TRAPPC10: variants seen among roughly 807,000 people sequenced by gnomAD.
TRAPPC10 encodes the protein trafficking protein particle complex subunit 10, also known as TRAPP 130 kDa subunit.
TRAPPC10 carries 23 observed loss-of-function variants against 125.5 expected under a neutral mutation model. The ratio of observed to expected loss-of-function variants is 0.18; its 90% CI spans 0.13 to 0.26. The LOEUF is 0.26. Among genes scored for constraint, TRAPPC10 ranks in the 10% least tolerant of loss-of-function variants. TRAPPC10 has a pLI of 1.00. For synonymous variants in TRAPPC10, 509 were observed against 518.0 expected (o/e 0.98, Z 0.24); for missense variants, 1,123 against 1,308.4 (o/e 0.86, Z 2.19).
chr21:44,092,006 G>A lies in TRAPPC10; in HGVS notation c.2954G>A (p.Ser985Asn), dbSNP rs773695407. The A allele has an allele frequency of 3.1e-6, 5 of 1,614,166 alleles. No homozygotes were observed. The East Asian group carries it at 8.9e-5, about 29-fold the overall frequency. Residue 985 changes from serine to asparagine, a missense_variant, in exon 19 of 23, where the codon AGT becomes AAT. By Grantham distance (46) the Ser-to-Asn change is conservative. Around this residue, in one of 4 missense-constraint regions of TRAPPC10, gnomAD observed 840 missense variants for 902.0 expected, o/e 0.93. Transcript: ENST00000291574. The stretch of plus-strand genomic sequence containing the variant: ...AGTTATCTTGTAGATACCGGTGATA[G>A]TACCGACCTGCAACTAGTACCACTG... ...SDSYLVDTGD[S>N]TDLQLVPLNT...
rs2037850073 is a variant in TRAPPC10, at chr21:44,082,809, T to C, written c.1745T>C (p.Met582Thr). ...DSPGHKIVLPMHSFAQLRDLH... is the reference protein window; with the variant it reads ...DSPGHKIVLPTHSFAQLRDLH... ...ACAGGTCATAAGATAGTGCTACCCA[T>C]GCATTCCTTTGCACAACTGCGAGAT... is the stretch of plus-strand genomic sequence containing the variant. Residue 582 changes from methionine (M) to threonine (T), a missense_variant, in exon 14 of 23, where the codon ATG (methionine) becomes ACG (threonine). Around this residue, in one of 4 missense-constraint regions of TRAPPC10, gnomAD observed 840 missense variants for 902.0 expected, o/e 0.93. Transcript: ENST00000291574. This position sits in a 1 kb window ranked among gnomAD's most constrained non-coding sequence, Gnocchi z 4.4. 2.5e-6 allele frequency: 4 copies of C among 1,614,096 alleles called. No individual in the cohort carries two copies. The highest frequency in any genetic ancestry group is 3.4e-6 in the Non-Finnish European group (4 of 1,180,020).
chr21:44,052,538 T>C (rs1428559381), intron 4 of TRAPPC10, 62 bp downstream of exon 4: 3 of 1,458,080 alleles, frequency 2.1e-6, no homozygotes, highest in Non-Finnish European at 2.8e-6. Context: ...GATTGCTGGC[T>C]TCCTGGGTAG....
intron 3 of TRAPPC10, among the ~76,000 whole-genome samples, chr21:44,045,224 T>C (rs546673474): frequency 6.6e-6 from 1 of 151,958 alleles, no homozygotes; most frequent in East Asian, 1.9e-4. Context: ...TGAGCCACCG[T>C]GCCCAGCCTT....
intron 5 of TRAPPC10, 135 bp from the exon 6 acceptor site, chr21:44,058,968 G>A (rs1427058823): frequency 5.0e-6 from 3 of 596,386 alleles, no homozygotes; most frequent in Non-Finnish European, 8.6e-6. Context: ...CGTCACATTG[G>A]TTGTTACTTA....
rs111853882 is a variant in TRAPPC10, at chr21:44,028,545, G to A, written c.68-3546G>A. On this transcript the variant is annotated intron_variant, in intron 1 of 22. Coordinates refer to ENST00000291574, the MANE Select transcript of TRAPPC10 (RefSeq NM_003274.5). The stretch of plus-strand genomic sequence containing the variant: ...TGGCACCCCAGCTTCCTGACCTGCC[G>A]CACCCTCTTATCTCCCTGTCTCCCC... Among the ~76,000 whole-genome samples the A allele has an allele frequency of 2.1e-3, 314 of 152,296 alleles. 3 individuals carry two copies. Among genetic ancestry groups the A allele is most frequent in the African/African-American group, 7.0e-3 (292 of 41,564 alleles).
In TRAPPC10 at chr21:44,037,954, C is replaced by T. The variant is rs373033267; in HGVS notation, c.285+27C>T. On this transcript the variant is annotated intron_variant, in intron 3 of 22. Transcript: ENST00000291574. Reference sequence around the variant, plus strand: ...TGAGTACCAGCAGGGGAAGAGGATGCGCGGTGGGATGGGGTTGGAGATGCG... The same window carrying T: ...TGAGTACCAGCAGGGGAAGAGGATGTGCGGTGGGATGGGGTTGGAGATGCG... 3.0e-5 allele frequency: 48 copies of T among 1,607,804 alleles called. 1 individual carries two copies. The highest frequency in any genetic ancestry group is 6.7e-5 in the East Asian group (3 of 44,768).
intron 18 of TRAPPC10, 153 bp from the exon 19 acceptor site, chr21:44,091,770 G>A: frequency 1.3e-6 from 1 of 753,502 alleles, no homozygotes; most frequent in Non-Finnish European, 2.1e-6. Flanking sequence ...TTTTCGGTGT[G>A]AAATCTGAAG....
intron 15 of TRAPPC10, 127 bp from the exon 16 acceptor site, chr21:44,086,675 C>A: frequency 2.0e-6 from 2 of 1,017,870 alleles, no homozygotes; most frequent in Non-Finnish European, 2.9e-6. Context: ...AGAAGGAATT[C>A]ATGGAGATCC....
chr21:44,076,761 G>T, intron 10 of TRAPPC10, 133 bp downstream of exon 10: 3 of 644,782 alleles, frequency 4.7e-6, no homozygotes, highest in East Asian at 5.5e-5. Context: ...AGTTTCTTTG[G>T]TACCTGGGGA....
Position 44,077,720 on chromosome 21 carries a change from T to C in TRAPPC10, c.1405T>C (p.Tyr469His). ...TTTGTCCCATGCCACCATTGAAATG[T>C]ATACAAGCATTGGGAGGATTCGATC... is the stretch of plus-strand genomic sequence containing the variant. ...LDLSHATIEMYTSIGRIRSAK... is the reference protein window; with the variant it reads ...LDLSHATIEMHTSIGRIRSAK... The change falls in exon 11 of 23, where the codon TAT (tyrosine) becomes CAT (histidine). Residue 469 changes from tyrosine (Y) to histidine (H), a missense_variant. This residue lies in a region of TRAPPC10 where 840 missense variants were observed against 902.0 expected (regional missense o/e 0.93). Transcript: ENST00000291574. 6.2e-7 allele frequency: 1 copy of C among 1,609,918 alleles called. No individual in the cohort carries two copies. The highest frequency in any genetic ancestry group is 8.5e-7 in the Non-Finnish European group (1 of 1,177,520).
intron 3 of TRAPPC10, 148 bp from the exon 4 acceptor site, chr21:44,052,132 C>T (rs907395939): frequency 4.4e-5 from 29 of 651,694 alleles, no homozygotes; most frequent in African/African-American, 5.5e-5. Flanking sequence ...CTTGCTAGGC[C>T]GCTGGGCTTT....
intron 3 of TRAPPC10, among the ~76,000 whole-genome samples, chr21:44,044,660 CTTT>C (rs34356064): frequency 4.6e-5 from 4 of 86,328 alleles, no homozygotes; most frequent in Admixed American, 1.3e-4. Flanking sequence ...AAAATCATGT[CTTT>C]TTTTTTTTTT....
intron 11 of TRAPPC10, among the ~76,000 whole-genome samples, chr21:44,078,440 TAAAA>T (rs34659269): frequency 0.046 from 5,858 of 126,048 alleles, 172 homozygotes; most frequent in Admixed American, 0.091. Context: ...TTTCATTTTC[TAAAA>T]AAAAAAAAAA....
At chr21:44,039,948 C>T (rs781349042) in intron 3 of TRAPPC10, among the ~76,000 whole-genome samples, 6 of 152,216 alleles carry the variant, frequency 3.9e-5, no homozygotes, top group Non-Finnish European at 8.8e-5. Context: ...TCATTTATTT[C>T]TGCTCTCACC....
At chr21:44,013,598 G>T (rs1421791106) in intron 1 of TRAPPC10, among the ~76,000 whole-genome samples, 1 of 152,210 alleles carries the variant, frequency 6.6e-6, no homozygotes. Context: ...TGCACCTGCT[G>T]TGTTCCTTCC....
At chr21:44,035,458 GGA>G (rs1164706581) in intron 2 of TRAPPC10, among the ~76,000 whole-genome samples, 1 of 152,128 alleles carries the variant, frequency 6.6e-6, no homozygotes, top group Non-Finnish European at 1.5e-5. Flanking sequence ...AGGAAGAGAG[GGA>G]GAGAGAGAAA....
intron 1 of TRAPPC10, among the ~76,000 whole-genome samples, chr21:44,013,953 C>A (rs192402331): frequency 1.3e-5 from 2 of 152,326 alleles, no homozygotes; most frequent in Non-Finnish European, 2.9e-5. Flanking sequence ...GGGGCTTTCC[C>A]AGTGCTCAGG....
intron 15 of TRAPPC10, 147 bp downstream of exon 15, chr21:44,084,410 C>T: frequency 3.0e-6 from 2 of 672,798 alleles, no homozygotes; most frequent in Non-Finnish European, 4.6e-6. Flanking sequence ...TGCCTGGGAA[C>T]TAGCTGACTG....
intron 3 of TRAPPC10, among the ~76,000 whole-genome samples, chr21:44,043,136 A>C (rs2034528161): frequency 6.6e-6 from 1 of 151,628 alleles, no homozygotes; most frequent in South Asian, 2.1e-4. Flanking sequence ...TCCTGTATGC[A>C]CAATATTCTA....
Sources: gnomAD v4.1 joint callset for allele counts (sites outside exome capture counted in the v4.1 genomes callset) on GRCh38, gnomAD v4.1.1 for gene constraint, gnomAD v4.1.1 regional missense constraint, Gnocchi (gnomAD v3.1) non-coding constraint, MANE v1.5 for transcripts, NCBI Gene and HGNC (gene_info 2026-07-23, HGNC 2026-07-21) for gene names.